KLHL13: variants seen among roughly 807,000 people sequenced by gnomAD.
KLHL13 encodes the protein kelch like family member 13.
Under a neutral mutation model 37.1 loss-of-function variants are expected in KLHL13, and 10 were observed. That is an observed-to-expected ratio of 0.27 (90% CI 0.17 to 0.46). KLHL13 has a LOEUF of 0.46. Ranked by LOEUF, KLHL13 falls within the 20% of genes least tolerant of loss-of-function variation. The pLI is 1.00. For missense variants in KLHL13, 360 were observed against 509.3 expected, an observed-to-expected ratio of 0.71 and a Z score of 2.82; for synonymous variants, 163 against 181.2, an observed-to-expected ratio of 0.90 and a Z score of 0.81.
chrX:117,965,350 A>AT (rs1439307078), intron 1 of KLHL13, among the ~76,000 whole-genome samples: 1 of 111,758 alleles, frequency 8.9e-6, no homozygotes, highest in Non-Finnish European at 1.9e-5. Context: ...GATGATGAGC[A>AT]TTTTTTCATG....
chrX:117,900,949 C>T (rs922545018), intron 6 of KLHL13, among the ~76,000 whole-genome samples: 5 of 111,823 alleles, frequency 4.5e-5, no homozygotes, highest in African/African-American at 1.6e-4. Flanking sequence ...TTGATTTAAA[C>T]ACCAACAATT....
intron 1 of KLHL13, among the ~76,000 whole-genome samples, chrX:118,012,878 T>C (rs1285326357): frequency 4.5e-5 from 5 of 111,640 alleles, no homozygotes; most frequent in Admixed American, 9.5e-5. Context: ...ACAAATAAAA[T>C]ATGGAATTCT....
At chrX:117,913,228 GAA>G (rs869164203) in intron 4 of KLHL13, among the ~76,000 whole-genome samples, 1 of 57 alleles carries the variant, frequency 0.018, no homozygotes, top group Non-Finnish European at 0.043. Flanking sequence ...GACTCAGCTA[GAA>G]ATCTCCAAAC....
At chrX:118,096,510 G>A (rs1025901417) in intron 1 of KLHL13, among the ~76,000 whole-genome samples, 4 of 111,620 alleles carry the variant, frequency 3.6e-5, no homozygotes, top group African/African-American at 9.8e-5. Context: ...ACAAGGAGGA[G>A]CTGGTACCAT....
intron 1 of KLHL13, among the ~76,000 whole-genome samples, chrX:117,965,904 T>G (rs1202877263): frequency 9.0e-6 from 1 of 111,466 alleles, no homozygotes; most frequent in Non-Finnish European, 1.9e-5. Context: ...GGGATGTATC[T>G]CAAAATAATA....
At position 118,034,198 on chromosome X, in the gene KLHL13, C is replaced by A. The variant is rs2054402680; in HGVS notation, c.-56+82310G>T. On this transcript the variant is annotated intron_variant, in intron 1 of 6. Coordinates refer to the KLHL13 transcript ENST00000371882. ...ACAGATCAACGAGACAGAAAGTTAA[C>A]AAGGATATCCAGGAATTGAACTCAG... Among the ~76,000 whole-genome samples, 9 of 104,592 alleles carry A rather than the reference C, an allele frequency of 8.6e-5. No individual in the cohort carries two copies. The South Asian group carries it at 3.7e-3, about 43-fold the overall frequency. The allele number at this position is 104,592 out of a possible 115,157, so 90.8% of individuals were successfully genotyped here. A position where few individuals can be genotyped will look rare whatever the true frequency, so the allele number is the denominator to read the frequency against.
chrX:117,944,237 A>T (rs1173272349), intron 2 of KLHL13, among the ~76,000 whole-genome samples: 1 of 110,507 alleles, frequency 9.0e-6, no homozygotes, highest in Non-Finnish European at 1.9e-5. Context: ...CTATTCGGCC[A>T]TCTTCCCTTT....
chrX:117,957,171 C>T (rs916418101), intron 1 of KLHL13, among the ~76,000 whole-genome samples: 2 of 111,756 alleles, frequency 1.8e-5, no homozygotes, highest in African/African-American at 6.5e-5. Context: ...CCCCCATCCA[C>T]TCTCACTGCC....
At chrX:118,104,230 G>C (rs191923683) in intron 1 of KLHL13, among the ~76,000 whole-genome samples, 3 of 110,049 alleles carry the variant, frequency 2.7e-5, no homozygotes, top group Admixed American at 2.0e-4. Context: ...TCAAAAAAAA[G>C]ACATTTTCCA....
At chrX:118,034,066 T>A (rs1474888347) in intron 1 of KLHL13, among the ~76,000 whole-genome samples, 2 of 102,145 alleles carry the variant, frequency 2.0e-5, no homozygotes, top group African/African-American at 7.9e-5. Flanking sequence ...ATGCACCCAA[T>A]ACAGGAGCAC....
intron 2 of KLHL13, among the ~76,000 whole-genome samples, chrX:117,938,574 C>T (rs772537913): frequency 9.0e-6 from 1 of 111,355 alleles, no homozygotes. Context: ...AGAACCATTG[C>T]TTTAAATATC....
At chrX:117,981,189 A>T (rs758940024) in intron 1 of KLHL13, among the ~76,000 whole-genome samples, 2 of 112,253 alleles carry the variant, frequency 1.8e-5, no homozygotes, top group Non-Finnish European at 3.8e-5. Flanking sequence ...AAATCCTATG[A>T]TGTACAACAT....
intron 1 of KLHL13, among the ~76,000 whole-genome samples, chrX:118,089,724 G>C (rs2055106721): frequency 1.8e-5 from 2 of 110,480 alleles, no homozygotes; most frequent in African/African-American, 6.6e-5. Context: ...AAAATGTCCA[G>C]GTTGCCATCA....
chrX:118,031,786 G>C (rs2054352291), intron 1 of KLHL13, among the ~76,000 whole-genome samples: 1 of 107,501 alleles, frequency 9.3e-6, no homozygotes, highest in Admixed American at 1.0e-4. Flanking sequence ...CCCAGCGTGA[G>C]TGACGCAGAA....
At position 118,060,799 on chromosome X, in the gene KLHL13, G is replaced by T. The variant is rs577273993; in HGVS notation, c.-56+55709C>A. On this transcript the variant is annotated intron_variant, in intron 1 of 6. Coordinates refer to the KLHL13 transcript ENST00000371882. ...TATCAATCAGTCATTGTATTAGTTT[G>T]CTGGGGTTGCCATAATAAAGTACCA... Among the ~76,000 whole-genome samples the T allele has an allele frequency of 4.5e-5, 5 of 111,356 alleles. No individual in the cohort carries two copies. The East Asian group carries it at 1.4e-3, about 32-fold the overall frequency.
At chrX:117,980,797 G>C (rs2053652391) in intron 1 of KLHL13, among the ~76,000 whole-genome samples, 1 of 111,164 alleles carries the variant, frequency 9.0e-6, no homozygotes, top group African/African-American at 3.3e-5. Flanking sequence ...AAAAGGTTTT[G>C]ACCAAATAAT....
intron 1 of KLHL13, among the ~76,000 whole-genome samples, chrX:118,058,559 C>G (rs772240363): frequency 6.3e-5 from 7 of 111,972 alleles, no homozygotes; most frequent in African/African-American, 2.3e-4. Flanking sequence ...AACTATAGCT[C>G]AGTTATGCAA....
Position 117,997,645 on chromosome X carries a change from T to C in KLHL13, c.-55-52070A>G, listed in dbSNP as rs907529828. ...TTTGTGCCACAAACATTTAATAAAT[T>C]GCAGGTAAGGTCCTTCAAGGTCAGA... On this transcript the variant is annotated intron_variant, in intron 1 of 6. Coordinates refer to the KLHL13 transcript ENST00000371882. Among the ~76,000 whole-genome samples the C allele has an allele frequency of 4.5e-5, 5 of 111,892 alleles. No individual in the cohort carries two copies. In the South Asian group the frequency reaches 1.9e-3, roughly 42 times the overall value.
At chrX:118,065,229 C>G (rs2054782431) in intron 1 of KLHL13, among the ~76,000 whole-genome samples, 1 of 111,592 alleles carries the variant, frequency 9.0e-6, no homozygotes, top group Admixed American at 9.6e-5. Flanking sequence ...TAATCCTTAA[C>G]TCAGTCTTTT....
Sources: allele counts gnomAD v4.1 joint callset (sites outside exome capture counted in the v4.1 genomes callset), GRCh38; gene constraint gnomAD v4.1.1; transcripts MANE v1.5; gene names NCBI Gene and HGNC (gene_info 2026-07-23, HGNC 2026-07-21).